Variants in ABLIM3 observed in about 807,000 individuals in gnomAD.
The protein encoded by ABLIM3 is actin binding LIM protein family member 3.
A neutral mutation model predicts 109.5 loss-of-function variants in ABLIM3; 61 were observed. The observed-to-expected ratio is 0.56, with a 90% CI of 0.45 to 0.69. The LOEUF (loss-of-function observed/expected upper bound fraction) is 0.69, where lower values mean the gene tolerates loss of function less well. Among genes scored for constraint, ABLIM3 ranks in the 30% least tolerant of loss-of-function variants. The pLI, the probability that ABLIM3 is intolerant of heterozygous loss-of-function variation, is 0.00. For missense variants in ABLIM3, 796 were observed against 889.5 expected, an observed-to-expected ratio of 0.89 and a Z score of 1.34; for synonymous variants, 300 against 324.8, an observed-to-expected ratio of 0.92 and a Z score of 0.82.
chr5:149,233,529 A>T (rs1197685406), intron 10 of ABLIM3, among the ~76,000 whole-genome samples: 1 of 152,192 alleles, frequency 6.6e-6, no homozygotes, highest in East Asian at 1.9e-4. Context: ...TTTCAGGGAT[A>T]ATGCAGAGTT....
chr5:149,229,214 G>A (rs1761602678), intron 8 of ABLIM3, among the ~76,000 whole-genome samples: 1 of 152,188 alleles, frequency 6.6e-6, no homozygotes, highest in Non-Finnish European at 1.5e-5. Flanking sequence ...TCAAGCCACA[G>A]ACTCAGAGTC....
At chr5:149,180,960 T>G (rs1337900255) in intron 2 of ABLIM3, among the ~76,000 whole-genome samples, 1 of 152,214 alleles carries the variant, frequency 6.6e-6, no homozygotes, top group Non-Finnish European at 1.5e-5. Context: ...AAAATAAAAT[T>G]GATCTTAGAA....
At chr5:149,194,922 T>A (rs1039330962) in intron 3 of ABLIM3, among the ~76,000 whole-genome samples, 1 of 152,206 alleles carries the variant, frequency 6.6e-6, no homozygotes, top group African/African-American at 2.4e-5. Context: ...TTATTATTCT[T>A]CTTTAAACCA....
intron 3 of ABLIM3, among the ~76,000 whole-genome samples, chr5:149,195,591 G>C (rs1252801721): frequency 6.6e-6 from 1 of 152,164 alleles, no homozygotes. Context: ...AGGTGGCTCT[G>C]GGGGTGGAGT....
chr5:149,217,304 C>A (rs1760195939), intron 8 of ABLIM3: 1 of 527,178 alleles, frequency 1.9e-6, no homozygotes, highest in Non-Finnish European at 3.5e-6. Flanking sequence ...GCTTCCCTGG[C>A]AGTGCTCTGA....
chr5:149,173,283 G>A (rs891869588), intron 2 of ABLIM3, among the ~76,000 whole-genome samples: 6 of 152,216 alleles, frequency 3.9e-5, no homozygotes, highest in African/African-American at 1.4e-4. Flanking sequence ...TTGAGCAATG[G>A]GAGGAGCACT....
intron 3 of ABLIM3, 150 bp downstream of exon 3, chr5:149,183,739 A>T: frequency 1.0e-6 from 1 of 966,574 alleles, no homozygotes. Context: ...TTCTTATGAG[A>T]TTCTCCCTTA....
chr5:149,249,446 G>A (rs1236640513), intron 18 of ABLIM3, among the ~76,000 whole-genome samples: 2 of 152,206 alleles, frequency 1.3e-5, no homozygotes, highest in Non-Finnish European at 2.9e-5. Flanking sequence ...GCAGAGCCAG[G>A]ATGAACTGCT....
At chr5:149,216,144 TG>T (rs1374696938) in intron 7 of ABLIM3, among the ~76,000 whole-genome samples, 6 of 152,248 alleles carry the variant, frequency 3.9e-5, no homozygotes, top group African/African-American at 1.4e-4. Context: ...GGCTCTACAG[TG>T]GGTCCTAAAT....
chr5:149,157,552 T>C (rs540695244), intron 2 of ABLIM3, among the ~76,000 whole-genome samples: 1 of 119,732 alleles, frequency 8.4e-6, no homozygotes, highest in East Asian at 2.9e-4. Flanking sequence ...TGACTTATGC[T>C]AGCCAATCAG....
intron 10 of ABLIM3, 135 bp from the exon 11 acceptor site, chr5:149,237,313 C>A (rs1290800603): frequency 5.4e-6 from 5 of 925,522 alleles, no homozygotes; most frequent in Non-Finnish European, 8.2e-6. Flanking sequence ...TACTATTCTT[C>A]AATTTGATCC....
chr5:149,182,088 G>A (rs367646018), intron 2 of ABLIM3, among the ~76,000 whole-genome samples: 80 of 152,314 alleles, frequency 5.3e-4, no homozygotes, highest in African/African-American at 1.9e-3. Flanking sequence ...GTGCCTAGAA[G>A]AAAAGGTTCA....
intron 8 of ABLIM3, chr5:149,218,935 T>C (rs928254459): frequency 7.2e-5 from 11 of 152,382 alleles, no homozygotes; most frequent in African/African-American, 2.4e-4. Flanking sequence ...CACAGGTGAA[T>C]GTCATTGGTG....
intron 2 of ABLIM3, among the ~76,000 whole-genome samples, chr5:149,151,412 T>G (rs1753421738): frequency 6.6e-6 from 1 of 152,212 alleles, no homozygotes; most frequent in Non-Finnish European, 1.5e-5. Flanking sequence ...GGGGACACAA[T>G]TCAATCCATA....
intron 14 of ABLIM3, among the ~76,000 whole-genome samples, chr5:149,242,031 C>T (rs1272619728): frequency 5.3e-5 from 8 of 152,230 alleles, no homozygotes; most frequent in Non-Finnish European, 1.2e-4. Flanking sequence ...GTTTCATCTA[C>T]ACCTTCCTCA....
intron 4 of ABLIM3, among the ~76,000 whole-genome samples, chr5:149,199,854 G>A (rs1020068814): frequency 2.0e-5 from 3 of 152,230 alleles, no homozygotes; most frequent in Admixed American, 1.3e-4. Flanking sequence ...CAGATGAGGA[G>A]AGTAAAAGAT....
At position 149,169,531 on chromosome 5, in the gene ABLIM3, T is replaced by G. The variant is rs147504554; in HGVS notation, c.14-13921T>G. Among the ~76,000 whole-genome samples the G allele has an allele frequency of 7.9e-5, 12 of 152,306 alleles. No individual in the cohort carries two copies. The East Asian group carries it at 2.3e-3, about 29-fold the overall frequency. On this transcript the variant is annotated intron_variant, in intron 2 of 23. Transcript: ENST00000309868. ...TAAATCATTAGCAAAGGAACGAGAT[T>G]ACTGGGATCAATTTTCGCCAAACAA...
intron 2 of ABLIM3, among the ~76,000 whole-genome samples, chr5:149,148,718 T>G (rs1753157004): frequency 6.6e-6 from 1 of 152,220 alleles, no homozygotes. Flanking sequence ...CTCCTGGCCT[T>G]GCTGACCAGC....
intron 23 of ABLIM3, 32 bp from the exon 24 acceptor site, chr5:149,258,259 C>A: frequency 6.3e-7 from 1 of 1,592,568 alleles, no homozygotes; most frequent in Non-Finnish European, 8.6e-7. Context: ...CTTTCTCTGT[C>A]CCCCCACCCC....
Sources: allele counts gnomAD v4.1 joint callset (sites outside exome capture counted in the v4.1 genomes callset), GRCh38; gene constraint gnomAD v4.1.1; transcripts MANE v1.5; gene names NCBI Gene and HGNC (gene_info 2026-07-23, HGNC 2026-07-21).